The following CTNNA1 variants were observed in gnomAD, a reference collection of about 807,000 sequenced individuals.
CTNNA1 encodes catenin alpha-1.
CTNNA1 carries 37 observed loss-of-function variants against 98.4 expected under a neutral mutation model. The observed-to-expected ratio is 0.38, with a 90% CI of 0.29 to 0.49. The LOEUF (loss-of-function observed/expected upper bound fraction) is 0.49. Among genes scored for constraint, CTNNA1 ranks in the 20% least tolerant of loss-of-function variants. The pLI, the probability that CTNNA1 is intolerant of heterozygous loss-of-function variation, is 0.95. For synonymous variants in CTNNA1, 404 were observed against 413.2 expected, an observed-to-expected ratio of 0.98 and a Z score of 0.27; for missense variants, 761 against 1,147.2, an observed-to-expected ratio of 0.66 and a Z score of 4.86.
At chr5:138,837,051 T>G (rs1002429199) in intron 7 of CTNNA1, among the ~76,000 whole-genome samples, 6 of 152,170 alleles carry the variant, frequency 3.9e-5, no homozygotes, top group Admixed American at 2.0e-4. Context: ...AATTTGATGG[T>G]TTTTCACACA....
intron 7 of CTNNA1, among the ~76,000 whole-genome samples, chr5:138,883,855 T>C (rs1390154940): frequency 6.6e-6 from 1 of 152,262 alleles, no homozygotes; most frequent in Non-Finnish European, 1.5e-5. Context: ...GAAGTCAGTT[T>C]GATTGTGATT....
intron 13 of CTNNA1, 98 bp from the exon 14 acceptor site, chr5:138,929,147 GA>G (rs1221739266): frequency 2.6e-6 from 2 of 778,594 alleles, no homozygotes; most frequent in African/African-American, 3.4e-5. Flanking sequence ...TTAAAATCCA[GA>G]ATTCTGGGCC....
intron 1 of CTNNA1, among the ~76,000 whole-genome samples, chr5:138,774,182 C>T (rs1753841045): frequency 6.6e-6 from 1 of 151,932 alleles, no homozygotes. Flanking sequence ...TGCGCCTGGC[C>T]TGTTTTTTAT....
At chr5:138,905,380 C>T (rs1203620098) in intron 10 of CTNNA1, among the ~76,000 whole-genome samples, 1 of 152,194 alleles carries the variant, frequency 6.6e-6, no homozygotes, top group East Asian at 1.9e-4. Flanking sequence ...CTACACCCTC[C>T]TTGAGGGCCA....
chr5:138,886,090 CAACTTT>C, intron 7 of CTNNA1, 116 bp from the exon 8 acceptor site: 4 of 1,102,608 alleles, frequency 3.6e-6, no homozygotes, highest in Non-Finnish European at 5.1e-6. Flanking sequence ...CAGTATTTTC[CAACTTT>C]GAGTTTAAGA....
At chr5:138,810,350 C>T (rs1758554946) in intron 4 of CTNNA1, 146 bp downstream of exon 4, 2 of 802,992 alleles carry the variant, frequency 2.5e-6, no homozygotes, top group South Asian at 3.6e-5. Flanking sequence ...TTAATTTCCA[C>T]TTACTCCTCT....
At chr5:138,753,798 CTA>C (rs1361366366) in intron 1 of CTNNA1, 1 of 255,968 alleles carries the variant, frequency 3.9e-6, no homozygotes, top group African/African-American at 2.3e-5. Context: ...GGAGGAGAAA[CTA>C]TAGGCCCAGC....
At chr5:138,863,716 G>A (rs1278934445) in intron 7 of CTNNA1, among the ~76,000 whole-genome samples, 3 of 152,222 alleles carry the variant, frequency 2.0e-5, no homozygotes, top group Admixed American at 2.0e-4. Context: ...TTGCAGCAGA[G>A]AAAGAGTTTA....
intron 3 of CTNNA1, among the ~76,000 whole-genome samples, chr5:138,809,579 G>A (rs1351829487): frequency 1.3e-5 from 2 of 152,174 alleles, no homozygotes; most frequent in Non-Finnish European, 2.9e-5. Context: ...CTCTGTTATG[G>A]CTGTACACAT....
chr5:138,866,537 T>G (rs1201575941), intron 7 of CTNNA1, among the ~76,000 whole-genome samples: 1 of 152,194 alleles, frequency 6.6e-6, no homozygotes, highest in Admixed American at 6.5e-5. Flanking sequence ...GCATGAACCA[T>G]TGGCCTCTGC....
intron 3 of CTNNA1, among the ~76,000 whole-genome samples, chr5:138,794,560 G>T (rs896655612): frequency 6.6e-6 from 1 of 152,202 alleles, no homozygotes; most frequent in African/African-American, 2.4e-5. Context: ...CATAGGGCAC[G>T]TGGGTTATGC....
intron 5 of CTNNA1, among the ~76,000 whole-genome samples, chr5:138,814,342 G>A (rs565771550): frequency 3.8e-4 from 57 of 151,154 alleles, no homozygotes; most frequent in Admixed American, 2.8e-3. Context: ...TCCGCCTCCC[G>A]GGTTCAAGTG....
At chr5:138,913,658 AT>A (rs1288124004) in intron 10 of CTNNA1, among the ~76,000 whole-genome samples, 1 of 151,120 alleles carries the variant, frequency 6.6e-6, no homozygotes, top group Non-Finnish European at 1.5e-5. Flanking sequence ...GATTTTTCTC[AT>A]TTTTCTAACA....
At chr5:138,801,502 A>G (rs1757571588) in intron 3 of CTNNA1, among the ~76,000 whole-genome samples, 1 of 152,236 alleles carries the variant, frequency 6.6e-6, no homozygotes, top group Non-Finnish European at 1.5e-5. Context: ...CCACGTATAA[A>G]TAAACCCATG....
At chr5:138,917,965 A>T in intron 11 of CTNNA1, 67 bp downstream of exon 11, 1 of 1,503,490 alleles carries the variant, frequency 6.7e-7, no homozygotes, top group Non-Finnish European at 9.2e-7. Flanking sequence ...AAGTTGTATT[A>T]ATGGGCAAAC....
At chr5:138,791,371 C>CACTTTGGGAGGCCGAGGCGGGCAGA (rs1756340241) in intron 3 of CTNNA1, among the ~76,000 whole-genome samples, 1 of 151,972 alleles carries the variant, frequency 6.6e-6, no homozygotes, top group Non-Finnish European at 1.5e-5. Context: ...GTAATCCCAG[C>CACTTTGGGAGGCCGAGGCGGGCAGA]ACTTTGGGAG....
At position 138,874,521 on chromosome 5, in the gene CTNNA1, G is replaced by T; in HGVS notation, c.1063-11691G>T. Reference sequence around the variant, plus strand: ...ATACTCATTGCATATATTGCTGCCAGCATAGGGGCCCCTAATGGCCACTTG... The same window carrying T: ...ATACTCATTGCATATATTGCTGCCATCATAGGGGCCCCTAATGGCCACTTG... On this transcript the variant is annotated intron_variant, in intron 7 of 17. Coordinates refer to ENST00000302763, the MANE Select transcript of CTNNA1 (RefSeq NM_001903.5). This position sits in a 1 kb window ranked among gnomAD's most constrained non-coding sequence, Gnocchi z 4.1. 1 of 1,590,136 alleles carries T rather than the reference G, an allele frequency of 6.3e-7. No homozygotes were observed. Among genetic ancestry groups the T allele is most frequent in the Admixed American group, 1.8e-5 (1 of 56,994 alleles).
At chr5:138,864,976 G>C (rs1581336417) in intron 7 of CTNNA1, among the ~76,000 whole-genome samples, 1 of 152,024 alleles carries the variant, frequency 6.6e-6, no homozygotes, top group African/African-American at 2.4e-5. Flanking sequence ...ACCACACCCG[G>C]CTAATTTTTG....
At chr5:138,869,583 G>C (rs1487861830) in intron 7 of CTNNA1, 5 of 152,178 alleles carry the variant, frequency 3.3e-5, no homozygotes, top group Non-Finnish European at 7.4e-5. Context: ...TTTTTCCCCT[G>C]ATAGCTGTGT....
Sources: gnomAD v4.1 joint callset for allele counts (sites outside exome capture counted in the v4.1 genomes callset) on GRCh38, gnomAD v4.1.1 for gene constraint, Gnocchi (gnomAD v3.1) non-coding constraint, MANE v1.5 for transcripts, NCBI Gene and HGNC (gene_info 2026-07-23, HGNC 2026-07-21) for gene names.